The following NAALADL2 variants were observed in gnomAD, a reference collection of about 807,000 sequenced individuals.
NAALADL2 encodes the protein N-acetylated alpha-linked acidic dipeptidase like 2, also known as inactive N-acetylated-alpha-linked acidic dipeptidase-like protein 2.
In NAALADL2, 76 loss-of-function variants were observed where a neutral mutation model predicts 87.2. The observed-to-expected ratio is 0.87, with a 90% CI of 0.72 to 1.05. NAALADL2 has a LOEUF of 1.05. Ranked by LOEUF, NAALADL2 falls within the 50% of genes least tolerant of loss-of-function variation. The probability of loss-of-function intolerance (pLI) is 0.00; values close to 1 mark genes in which losing one functional copy is unlikely to be tolerated. For synonymous variants in NAALADL2, 354 were observed against 331.0 expected (o/e 1.07, Z -0.75); for missense variants, 1,089 against 945.8 (o/e 1.15, Z -1.99).
intron 2 of NAALADL2, among the ~76,000 whole-genome samples, chr3:174,669,453 A>G (rs1353410596): frequency 6.6e-6 from 1 of 152,104 alleles, no homozygotes; most frequent in Non-Finnish European, 1.5e-5. Context: ...TCATTCTGTT[A>G]CATGTGGCTA....
intron 3 of NAALADL2, among the ~76,000 whole-genome samples, chr3:174,769,890 T>C (rs917752689): frequency 6.6e-6 from 1 of 152,040 alleles, no homozygotes; most frequent in African/African-American, 2.4e-5. Flanking sequence ...TAAAAATCTT[T>C]TGGGTTTTCA....
At chr3:174,786,677 T>C (rs1286731923) in intron 3 of NAALADL2, among the ~76,000 whole-genome samples, 1 of 152,028 alleles carries the variant, frequency 6.6e-6, no homozygotes, top group African/African-American at 2.4e-5. Context: ...ACAAGACACA[T>C]TGACTAGGCA....
intron 5 of NAALADL2, among the ~76,000 whole-genome samples, chr3:175,325,175 C>T (rs1468893541): frequency 6.6e-6 from 1 of 151,944 alleles, no homozygotes; most frequent in Non-Finnish European, 1.5e-5. Flanking sequence ...CAAAAAATCG[C>T]AAAAGAATTT....
At chr3:174,598,253 G>A (rs1718107632) in intron 2 of NAALADL2, among the ~76,000 whole-genome samples, 1 of 152,082 alleles carries the variant, frequency 6.6e-6, no homozygotes, top group South Asian at 2.1e-4. Context: ...AATTAATTAT[G>A]AGCCCTTATT....
At chr3:174,611,360 A>G (rs116077998) in intron 2 of NAALADL2, among the ~76,000 whole-genome samples, 159 of 151,856 alleles carry the variant, frequency 1.0e-3, no homozygotes, top group African/African-American at 3.7e-3. Flanking sequence ...ACTAATACAC[A>G]CTCTACAACT....
intron 5 of NAALADL2, among the ~76,000 whole-genome samples, chr3:175,423,206 TA>T (rs1716118172): frequency 6.8e-6 from 1 of 146,306 alleles, no homozygotes; most frequent in Non-Finnish European, 1.5e-5. Context: ...AAGAAGAATT[TA>T]TTTTTCTTTT....
At chr3:175,685,187 A>G (rs1229268273) in intron 11 of NAALADL2, among the ~76,000 whole-genome samples, 3 of 152,102 alleles carry the variant, frequency 2.0e-5, no homozygotes, top group Non-Finnish European at 4.4e-5. Flanking sequence ...GGCAAATAGT[A>G]CCCTCCTTAA....
chr3:174,494,420 A>G (rs2108355849), intron 1 of NAALADL2, among the ~76,000 whole-genome samples: 1 of 149,364 alleles, frequency 6.7e-6, no homozygotes, highest in South Asian at 2.1e-4. Context: ...TGGGAATTGA[A>G]CAATGAGAAC....
rs73884423 is a variant in NAALADL2, at chr3:175,467,316, G to A, written c.1533+132G>A. ...AGTGTCATATTGCCTAATTTGCTGA[G>A]ATGGCTTATAATAATAATATGGAAT... On this transcript the variant is annotated intron_variant, in intron 8 of 13. Coordinates refer to ENST00000454872, the MANE Select transcript of NAALADL2 (RefSeq NM_207015.3). 2.4e-5 allele frequency: 16 copies of A among 671,404 alleles called. No individual in the cohort carries two copies. In the Admixed American group the frequency reaches 4.5e-4, roughly 19 times the overall value. The allele number at this position is 671,404 out of a possible 1,614,324, so 41.6% of individuals were successfully genotyped here. A position where few individuals can be genotyped will look rare whatever the true frequency, so the allele number is the denominator to read the frequency against.
chr3:175,376,409 T>A (rs1767131809), intron 5 of NAALADL2, among the ~76,000 whole-genome samples: 1 of 152,140 alleles, frequency 6.6e-6, no homozygotes, highest in Non-Finnish European at 1.5e-5. Flanking sequence ...GAAGGCCTTT[T>A]TCCTTATTTT....
chr3:174,690,897 CTG>C (rs1728515443), intron 2 of NAALADL2, among the ~76,000 whole-genome samples: 1 of 152,134 alleles, frequency 6.6e-6, no homozygotes, highest in Non-Finnish European at 1.5e-5. Flanking sequence ...GGCATGACAA[CTG>C]TAAGTAAAAG....
chr3:175,309,809 A>T (rs1758149237), intron 4 of NAALADL2, among the ~76,000 whole-genome samples: 1 of 152,186 alleles, frequency 6.6e-6, no homozygotes, highest in Admixed American at 6.6e-5. Flanking sequence ...AATCCTTCAG[A>T]TATATTACCT....
rs142110969 is a variant in NAALADL2, at chr3:175,354,881, T to TACAC, written c.1090+30576_1090+30579dup. Among the ~76,000 whole-genome samples the TACAC allele has an allele frequency of 4.5e-3, 661 of 146,924 alleles. 3 individuals carry two copies. Among genetic ancestry groups the TACAC allele is most frequent in the African/African-American group, 0.011 (461 of 40,092 alleles). ...CTATACATACATACATACATATATATACACACACACACACACACACACATA... is the reference window on the plus strand; with the variant it reads ...CTATACATACATACATACATATATATACACACACACACACACACACACACACATA... On this transcript the variant is annotated intron_variant, in intron 5 of 13. Transcript: ENST00000454872.
At chr3:175,206,085 C>T (rs1286821880) in intron 2 of NAALADL2, among the ~76,000 whole-genome samples, 2 of 151,568 alleles carry the variant, frequency 1.3e-5, no homozygotes, top group Non-Finnish European at 2.9e-5. Context: ...ATACAGCAAT[C>T]CCACTACTAA....
At chr3:174,831,324 T>C (rs1722663756) in intron 3 of NAALADL2, among the ~76,000 whole-genome samples, 1 of 146,726 alleles carries the variant, frequency 6.8e-6, no homozygotes, top group African/African-American at 2.6e-5. Context: ...TGAAGCGTTG[T>C]TGAATTTTGT....
At chr3:174,885,125 A>T (rs1240329310) in intron 1 of NAALADL2, among the ~76,000 whole-genome samples, 1 of 152,136 alleles carries the variant, frequency 6.6e-6, no homozygotes, top group Non-Finnish European at 1.5e-5. Flanking sequence ...CATTGTCATT[A>T]GGGTCCTCAC....
intron 10 of NAALADL2, among the ~76,000 whole-genome samples, chr3:175,610,877 T>C (rs1459249533): frequency 6.6e-6 from 1 of 152,056 alleles, no homozygotes; most frequent in Non-Finnish European, 1.5e-5. Flanking sequence ...TTTAATAATA[T>C]TGAATATTAA....
At chr3:175,070,011 G>T (rs1260351060) in intron 1 of NAALADL2, among the ~76,000 whole-genome samples, 4 of 145,494 alleles carry the variant, frequency 2.7e-5, no homozygotes, top group African/African-American at 7.6e-5. Context: ...GGGGACTGTT[G>T]TGGGGTAGGG....
chr3:175,112,335 T>C (rs1212007488), intron 2 of NAALADL2, among the ~76,000 whole-genome samples: 1 of 151,646 alleles, frequency 6.6e-6, no homozygotes, highest in African/African-American at 2.4e-5. Context: ...GGTCTCATGC[T>C]CCATATTCCA....
Sources: allele counts gnomAD v4.1 joint callset (sites outside exome capture counted in the v4.1 genomes callset), GRCh38; gene constraint gnomAD v4.1.1; transcripts MANE v1.5; gene names NCBI Gene and HGNC (gene_info 2026-07-23, HGNC 2026-07-21).